The following MYBPC2 variants were observed in gnomAD, a reference collection of about 807,000 sequenced individuals.
MYBPC2 encodes myosin-binding protein C, fast-type.
In MYBPC2, 122 loss-of-function variants were observed where a neutral mutation model predicts 137.0. That is an observed-to-expected ratio of 0.89 (90% CI 0.77 to 1.03). The LOEUF is 1.03. Among genes scored for constraint, MYBPC2 ranks in the 50% least tolerant of loss-of-function variants. The pLI is 0.00. For synonymous variants in MYBPC2, 626 were observed against 612.3 expected (o/e 1.02, Z -0.33); for missense variants, 1,500 against 1,534.4 (o/e 0.98, Z 0.37).
intron 8 of MYBPC2, 132 bp downstream of exon 8, chr19:50,441,208 G>A (rs191036755): frequency 1.1e-5 from 11 of 974,952 alleles, no homozygotes; most frequent in African/African-American, 8.4e-5. Flanking sequence ...CAACTCTAGC[G>A]GTGGGCCTCG....
At chr19:50,456,373 CATCT>C (rs1371708638) in intron 20 of MYBPC2, among the ~76,000 whole-genome samples, 7 of 86,050 alleles carry the variant, frequency 8.1e-5, no homozygotes, top group African/African-American at 2.9e-4. Flanking sequence ...TCTGTCCATC[CATCT>C]ATCCATCCAT....
At position 50,459,320 on chromosome 19, in the gene MYBPC2, G is replaced by A; in HGVS notation, c.2791+14G>A. On this transcript the variant is annotated intron_variant, in intron 23 of 27. Transcript: ENST00000357701. ...TCCGCGTTGTGGGTGCGCGCGCTGG[G>A]GAGGGCCCCTGGAGGCCGGGAGGGG... The A allele has an allele frequency of 6.3e-7, 1 of 1,588,500 alleles. No individual in the cohort carries two copies. The highest frequency in any genetic ancestry group is 8.6e-7 in the Non-Finnish European group (1 of 1,166,558).
chr19:50,442,881 G>A (rs1312163459), intron 9 of MYBPC2, among the ~76,000 whole-genome samples: 2 of 151,386 alleles, frequency 1.3e-5, no homozygotes, highest in Non-Finnish European at 2.9e-5. Context: ...AGGTTCAAGA[G>A]ATTCTCCTGC....
chr19:50,447,055 C>T (rs2039812670), intron 12 of MYBPC2, among the ~76,000 whole-genome samples: 1 of 151,932 alleles, frequency 6.6e-6, no homozygotes, highest in Non-Finnish European at 1.5e-5. Context: ...TGGCCCAGGC[C>T]TTCCTTCCCT....
chr19:50,455,732 C>G, intron 20 of MYBPC2, 88 bp downstream of exon 20: 1 of 1,550,990 alleles, frequency 6.4e-7, no homozygotes, highest in Non-Finnish European at 8.7e-7. Flanking sequence ...CCATGTGGGA[C>G]AGAGATGGGT....
chr19:50,436,209 G>A, intron 4 of MYBPC2, 49 bp downstream of exon 4: 1 of 1,548,216 alleles, frequency 6.5e-7, no homozygotes, highest in South Asian at 1.2e-5. Context: ...TGGAGCTTGT[G>A]CAGGACATGC....
Position 50,454,052 on chromosome 19 carries a change from C to A in MYBPC2, c.1782C>A (p.Ile594=), listed in dbSNP as rs374005180. ...CGACCACCGAGGGCAGGACCCGCAT[C>A]GAGAAGCGGGTGGACTGCAGCAGCT... The part of the protein sequence containing the change: ...VFTTTEGRTR[I]EKRVDCSSFV... The change falls in exon 17 of 28, where the codon ATC becomes ATA. Residue 594 remains isoleucine (I), a synonymous_variant. Coordinates refer to ENST00000357701, the MANE Select transcript of MYBPC2 (RefSeq NM_004533.4). 3.1e-6 allele frequency: 5 copies of A among 1,607,556 alleles called. No homozygotes were observed. The East Asian group carries it at 6.7e-5, about 22-fold the overall frequency.
chr19:50,464,469 T>TA lies in MYBPC2; in HGVS notation c.3353dup (p.Tyr1118Ter). ...CCCCTCGCCCTTCGACGCTGGGACT[T>TA]ACACCTGCCGGGCCGTCAACGAGCT... ...RRPSPFDAGT[Y>*]TCRAVNELGE... is the part of the protein sequence containing the mutation. The change falls in exon 27 of 28, where the codon TAC becomes TAAC. Residue 1118 changes from tyrosine (Y) to a stop codon, truncating the protein, a stop_gained and frameshift_variant. Coordinates refer to ENST00000357701, the MANE Select transcript of MYBPC2 (RefSeq NM_004533.4). LOFTEE classifies it high-confidence loss of function. The TA allele has an allele frequency of 6.2e-7, 1 of 1,613,092 alleles. No homozygotes were observed. Among genetic ancestry groups the TA allele is most frequent in the Non-Finnish European group, 8.5e-7 (1 of 1,179,660 alleles).
chr19:50,459,572 G>A lies in MYBPC2; in HGVS notation c.2791+266G>A, dbSNP rs552436182. On this transcript the variant is annotated intron_variant, in intron 23 of 27. Transcript: ENST00000357701. ...GGAGGTGAGAGATGGTGGGAGAGGAGGTGAGAGATGGTGGGAGAGGAGGTG... is the reference window on the plus strand; with the variant it reads ...GGAGGTGAGAGATGGTGGGAGAGGAAGTGAGAGATGGTGGGAGAGGAGGTG... 4.5e-4 allele frequency among the ~76,000 whole-genome samples: 19 copies of A among 41,924 alleles called. 1 individual carries two copies. The highest frequency in any genetic ancestry group is 2.0e-3 in the African/African-American group (17 of 8,490). The allele number at this position is 41,924 out of a possible 152,430, so 27.5% of individuals were successfully genotyped here. A position where few individuals can be genotyped will look rare whatever the true frequency, so the allele number is the denominator to read the frequency against.
Position 50,443,567 on chromosome 19 carries a change from T to C in MYBPC2, c.976T>C (p.Tyr326His), listed in dbSNP as rs1174118352. The C allele has an allele frequency of 1.9e-6, 3 of 1,613,124 alleles. No individual in the cohort carries two copies. The highest frequency in any genetic ancestry group is 2.5e-6 in the Non-Finnish European group (3 of 1,179,538). The change falls in exon 10 of 28, where the codon TAT (tyrosine) becomes CAT (histidine). Residue 326 changes from tyrosine (Y) to histidine (H), a missense_variant. Physicochemically the swap from Tyr to His is moderately conservative, Grantham distance 83. Coordinates refer to ENST00000357701, the MANE Select transcript of MYBPC2 (RefSeq NM_004533.4). ...NKCTLADDAA[Y>H]EVAVKDEKCF... ...GTGCACGCTGGCGGATGACGCTGCC[T>C]ATGAAGTAGCTGTCAAGGATGAGAA...
intron 7 of MYBPC2, 134 bp from the exon 8 acceptor site, chr19:50,440,746 C>A: frequency 1.2e-6 from 1 of 845,516 alleles, no homozygotes; most frequent in Non-Finnish European, 1.8e-6. Context: ...GGGCAATGGA[C>A]CAGGCGGGAA....
intron 14 of MYBPC2, 148 bp from the exon 15 acceptor site, chr19:50,451,131 AG>A (rs1474753093): frequency 1.9e-6 from 2 of 1,052,186 alleles, no homozygotes; most frequent in African/African-American, 1.6e-5. Flanking sequence ...GCCCGGGAGG[AG>A]GGGTGGCTCC....
chr19:50,433,113 G>A lies in MYBPC2; in HGVS notation c.19+141G>A, dbSNP rs530328414. The A allele has an allele frequency of 2.7e-3, 2,993 of 1,091,918 alleles. 6 individuals carry two copies. Among genetic ancestry groups the A allele is most frequent in the Non-Finnish European group, 3.3e-3 (2,608 of 791,700 alleles). 67.6% of individuals were successfully genotyped at this position (1,091,918 alleles called of 1,614,324 possible). ...GAGGCTCCCTTTGCTGTGCGGGATGGGGGTTCCCGCATCAGTTTAGGGTGA... is the reference window on the plus strand; with the variant it reads ...GAGGCTCCCTTTGCTGTGCGGGATGAGGGTTCCCGCATCAGTTTAGGGTGA... On this transcript the variant is annotated intron_variant, in intron 1 of 27. Transcript: ENST00000357701.
chr19:50,449,805 G>GA (rs2039839882), intron 13 of MYBPC2, among the ~76,000 whole-genome samples: 1 of 152,166 alleles, frequency 6.6e-6, no homozygotes, highest in South Asian at 2.1e-4. Flanking sequence ...GTTCTTGGTG[G>GA]GATGTAGGTT....
At position 50,461,911 on chromosome 19, in the gene MYBPC2, A is replaced by C; in HGVS notation, c.3103A>C (p.Lys1035Gln). The C allele has an allele frequency of 6.3e-7, 1 of 1,597,524 alleles. No individual in the cohort carries two copies. The highest frequency in any genetic ancestry group is 8.5e-7 in the Non-Finnish European group (1 of 1,171,672). ...TCCTCTCTCCCCAGGAATCACCTTCAAACCGTTCGAGTATAAGGAGCATGA... is the reference window on the plus strand; with the variant it reads ...TCCTCTCTCCCCAGGAATCACCTTCCAACCGTTCGAGTATAAGGAGCATGA... The part of the protein sequence containing the change: ...ARILKTGITF[K>Q]PFEYKEHDFR... Residue 1035 changes from lysine to glutamine, a missense_variant, in exon 26 of 28, where the codon AAA (lysine) becomes CAA (glutamine). By Grantham distance (53) the Lys-to-Gln change is moderately conservative. Transcript: ENST00000357701.
chr19:50,443,386 G>T, intron 9 of MYBPC2, 108 bp from the exon 10 acceptor site: 1 of 1,341,832 alleles, frequency 7.5e-7, no homozygotes, highest in Non-Finnish European at 1.0e-6. Context: ...ACACAATTTG[G>T]CTCTGAGAGA....
At position 50,448,227 on chromosome 19, in the gene MYBPC2, A is replaced by G. The variant is rs2039823225; in HGVS notation, c.1309A>G (p.Lys437Glu). 1 of 1,613,196 alleles carries G rather than the reference A, an allele frequency of 6.2e-7. No individual in the cohort carries two copies. The highest frequency in any genetic ancestry group is 1.1e-5 in the South Asian group (1 of 91,028). ...CTTGTCTTTCTCTCCCTGACCAGAG[A>G]AACAGCTGGAGGTCCTGCAGGACAT... Reference protein sequence around the residue: ...QCEAELIVEEKQLEVLQDIAD... With the variant: ...QCEAELIVEEEQLEVLQDIAD... Residue 437 changes from lysine (K) to glutamate (E), a missense_variant and splice_region_variant, in exon 13 of 28, where the codon AAA becomes GAA. Lys to Glu is a moderately conservative substitution (Grantham distance 56). Transcript: ENST00000357701.
intron 12 of MYBPC2, 42 bp downstream of exon 12, chr19:50,446,094 C>T: frequency 1.9e-6 from 3 of 1,586,678 alleles, no homozygotes; most frequent in Non-Finnish European, 2.6e-6. Flanking sequence ...ACTGCGCATG[C>T]TTCTCCACAC....
chr19:50,460,167 C>A lies in MYBPC2; in HGVS notation c.2919C>A (p.Asp973Glu), dbSNP rs1568669142. 1.9e-6 allele frequency: 3 copies of A among 1,599,406 alleles called. No individual in the cohort carries two copies. The highest frequency in any genetic ancestry group is 1.7e-5 in the Admixed American group (1 of 57,336). Residue 973 changes from aspartate (D) to glutamate (E), a missense_variant, in exon 24 of 28, where the codon GAC (aspartate) becomes GAA (glutamate). Asp to Glu is a conservative substitution (Grantham distance 45). Transcript: ENST00000357701. ...EIMGYFVQKADKKTMEWFNVY... is the reference protein window; with the variant it reads ...EIMGYFVQKAEKKTMEWFNVY... ...TGGGGTATTTCGTCCAGAAAGCAGA[C>A]AAAAAAACCATGGTGAGAGAGCAGA...
Sources: allele counts gnomAD v4.1 joint callset (sites outside exome capture counted in the v4.1 genomes callset), GRCh38; gene constraint gnomAD v4.1.1; transcripts MANE v1.5; gene names NCBI Gene and HGNC (gene_info 2026-07-23, HGNC 2026-07-21).